MEAF6: variants seen among roughly 807,000 people sequenced by gnomAD.
MEAF6 encodes the protein MYST/Esa1 associated factor 6.
Under a neutral mutation model 28.9 loss-of-function variants are expected in MEAF6, and 15 were observed. That is an observed-to-expected ratio of 0.52 (90% CI 0.35 to 0.80). MEAF6 has a LOEUF of 0.80. Among genes scored for constraint, MEAF6 ranks in the 30% least tolerant of loss-of-function variants. The pLI, the probability that MEAF6 is intolerant of heterozygous loss-of-function variation, is 0.01. For synonymous variants in MEAF6, 97 were observed against 88.7 expected, an observed-to-expected ratio of 1.09 and a Z score of -0.53; for missense variants, 178 against 237.5, an observed-to-expected ratio of 0.75 and a Z score of 1.65.
intron 5 of MEAF6, chr1:37,496,643 CA>C (rs1454681558): frequency 2.6e-6 from 4 of 1,549,474 alleles, no homozygotes; most frequent in Non-Finnish European, 1.8e-6. Context: ...AGAAAGGTCT[CA>C]AAAAGGCATA....
chr1:37,499,699 G>A (rs1023917891), intron 5 of MEAF6, among the ~76,000 whole-genome samples: 1 of 152,128 alleles, frequency 6.6e-6, no homozygotes, highest in Admixed American at 6.5e-5. Flanking sequence ...CACTATTTGC[G>A]AAGCAGTAAC....
In MEAF6 at chr1:37,495,996, A is replaced by G. The variant is rs372871062; in HGVS notation, c.534-78T>C. ...CCCACAATCAGCTACTGCATAGGGCATAAGCTATAACAAAGACTATTTGGT... is the reference window on the plus strand; with the variant it reads ...CCCACAATCAGCTACTGCATAGGGCGTAAGCTATAACAAAGACTATTTGGT... On this transcript the variant is annotated intron_variant, in intron 5 of 6. Transcript: ENST00000296214. 5.6e-4 allele frequency: 652 copies of G among 1,158,408 alleles called. 3 individuals carry two copies. In the African/African-American group the frequency reaches 9.1e-3, roughly 16 times the overall value. The allele number at this position is 1,158,408 out of a possible 1,614,324, so 71.8% of individuals were successfully genotyped here. A position where few individuals can be genotyped will look rare whatever the true frequency, so the allele number is the denominator to read the frequency against.
At chr1:37,500,727 G>A (rs1317812747) in intron 5 of MEAF6, among the ~76,000 whole-genome samples, 2 of 152,184 alleles carry the variant, frequency 1.3e-5, no homozygotes, top group Non-Finnish European at 2.9e-5. Context: ...CCCAGGCACT[G>A]TCATATCCAT....
intron 5 of MEAF6, among the ~76,000 whole-genome samples, chr1:37,496,306 G>C (rs1642127813): frequency 6.6e-6 from 1 of 152,074 alleles, no homozygotes; most frequent in Non-Finnish European, 1.5e-5. Flanking sequence ...TTAACAACAG[G>C]AAAGAGACTA....
chr1:37,513,678 G>C, intron 1 of MEAF6, 140 bp from the exon 2 acceptor site: 1 of 696,528 alleles, frequency 1.4e-6, no homozygotes, highest in South Asian at 1.6e-5. Flanking sequence ...TGGAAGATAC[G>C]GGGAGGAGGA....
rs1436034708 is a variant in MEAF6, at chr1:37,493,171, G to A, written c.*928C>T. 2 of 152,196 alleles carry A rather than the reference G, an allele frequency of 1.3e-5. No individual in the cohort carries two copies. Among genetic ancestry groups the A allele is most frequent in the Admixed American group, 1.3e-4 (2 of 15,260 alleles). 9.4% of individuals were successfully genotyped at this position (152,196 alleles called of 1,614,324 possible). A position where few individuals can be genotyped will look rare whatever the true frequency, so the allele number is the denominator to read the frequency against. Reference sequence around the variant, plus strand: ...GGTATAATTTTGAGACTTTCCATATGCCATGGTGATTTTTAGAGCAATATT... The same window carrying A: ...GGTATAATTTTGAGACTTTCCATATACCATGGTGATTTTTAGAGCAATATT... On this transcript the variant is annotated 3_prime_UTR_variant, in exon 7 of 7. Coordinates refer to ENST00000296214, the MANE Select transcript of MEAF6 (RefSeq NM_001270875.3).
rs1642141216 is a variant in MEAF6 at position 37,496,793 on chromosome 1, A to C, written c.534-875T>G. 5.2e-6 allele frequency: 8 copies of C among 1,540,546 alleles called. No individual in the cohort carries two copies. The South Asian group carries it at 8.8e-5, about 17-fold the overall frequency. ...ATAGAAATTAATATACTAATTGAAT[A>C]AATTAGTCGATTAGCCACCCTAGCA... On this transcript the variant is annotated intron_variant, in intron 5 of 6. Transcript: ENST00000296214.
At position 37,509,509 on chromosome 1, in the gene MEAF6, C is replaced by A; in HGVS notation, c.240G>T (p.Arg80=). The change falls in exon 3 of 7, where the codon CGG becomes CGT. Residue 80 remains arginine, a synonymous_variant. Coordinates refer to ENST00000296214, the MANE Select transcript of MEAF6 (RefSeq NM_001270875.3). Reference sequence around the variant, plus strand: ...AGAGCCGCTCAGCTTCCTTAAACTTCCGGTTCCTTCGATCATTTTTGCTAT... The same window carrying A: ...AGAGCCGCTCAGCTTCCTTAAACTTACGGTTCCTTCGATCATTTTTGCTAT... ...NSNSKNDRRN[R]KFKEAERLFS... is the part of the protein sequence containing the mutation. 1 of 1,614,090 alleles carries A rather than the reference C, an allele frequency of 6.2e-7. No individual in the cohort carries two copies. The highest frequency in any genetic ancestry group is 1.1e-5 in the South Asian group (1 of 91,066).
At chr1:37,513,593 G>T in intron 1 of MEAF6, 55 bp from the exon 2 acceptor site, 1 of 1,367,010 alleles carries the variant, frequency 7.3e-7, no homozygotes. Flanking sequence ...AAACACTTAA[G>T]TCTGGCCAAA....
chr1:37,500,923 T>TA lies in MEAF6; in HGVS notation c.533+880dup, dbSNP rs1438637842. On this transcript the variant is annotated intron_variant, in intron 5 of 6. Transcript: ENST00000296214. ...GTACAGTTTCTAGAATGAGAACTCTTACCCTGGCTTCGGAACTTCTAGGAG... is the reference window on the plus strand; with the variant it reads ...GTACAGTTTCTAGAATGAGAACTCTTAACCCTGGCTTCGGAACTTCTAGGAG... 8 of 154,164 alleles carry TA rather than the reference T, an allele frequency of 5.2e-5. No individual in the cohort carries two copies. In the Middle Eastern group the frequency reaches 2.1e-3, roughly 40 times the overall value. The allele number at this position is 154,164 out of a possible 1,614,324, so 9.5% of individuals were successfully genotyped here.
intron 5 of MEAF6, chr1:37,496,827 A>G (rs1207030124): frequency 6.7e-6 from 9 of 1,345,088 alleles, no homozygotes; most frequent in South Asian, 1.7e-5. Flanking sequence ...CAAGAATTGT[A>G]GAAACAAAAT....
chr1:37,497,653 G>A (rs1642166448), intron 5 of MEAF6, among the ~76,000 whole-genome samples: 1 of 151,716 alleles, frequency 6.6e-6, no homozygotes, highest in Non-Finnish European at 1.5e-5. Flanking sequence ...GTGCAATGGC[G>A]CAATCTTGGC....
intron 1 of MEAF6, 88 bp from the exon 2 acceptor site, chr1:37,513,626 G>T: frequency 1.9e-6 from 2 of 1,065,572 alleles, no homozygotes; most frequent in Admixed American, 3.4e-5. Flanking sequence ...TATTAGACTC[G>T]TAAACGCAAG....
At chr1:37,510,785 C>T (rs1194237680) in intron 2 of MEAF6, among the ~76,000 whole-genome samples, 1 of 152,000 alleles carries the variant, frequency 6.6e-6, no homozygotes, top group Non-Finnish European at 1.5e-5. Context: ...TGCAATGGCG[C>T]GAGCTCGGCT....
chr1:37,512,543 AAAT>A (rs1399821932), intron 2 of MEAF6, among the ~76,000 whole-genome samples: 1 of 152,140 alleles, frequency 6.6e-6, no homozygotes, highest in Middle Eastern at 3.2e-3. Flanking sequence ...AATTTTTTAA[AAAT>A]AATATTACTA....
At chr1:37,495,993 G>A in intron 5 of MEAF6, 75 bp from the exon 6 acceptor site, 1 of 1,182,544 alleles carries the variant, frequency 8.5e-7, no homozygotes, top group Admixed American at 1.7e-5. Context: ...TACTGCATAG[G>A]GCATAAGCTA....
At chr1:37,503,569 T>A (rs1171313768) in intron 4 of MEAF6, among the ~76,000 whole-genome samples, 1 of 147,026 alleles carries the variant, frequency 6.8e-6, no homozygotes, top group East Asian at 2.0e-4. Context: ...GGTGGGAGGA[T>A]CACTTCAGCC....
At chr1:37,510,314 C>G (rs1195904441) in intron 2 of MEAF6, among the ~76,000 whole-genome samples, 1 of 151,348 alleles carries the variant, frequency 6.6e-6, no homozygotes, top group Admixed American at 6.6e-5. Context: ...AACTCCTGAC[C>G]TCATGATCTG....
At chr1:37,513,339 G>T in intron 2 of MEAF6, 84 bp downstream of exon 2, 1 of 994,204 alleles carries the variant, frequency 1.0e-6, no homozygotes, top group Non-Finnish European at 1.6e-6. Flanking sequence ...ACTGCCTCCA[G>T]CAAAGTTGCC....
Sources: gnomAD v4.1 joint callset for allele counts (sites outside exome capture counted in the v4.1 genomes callset) on GRCh38, gnomAD v4.1.1 for gene constraint, MANE v1.5 for transcripts, NCBI Gene and HGNC (gene_info 2026-07-23, HGNC 2026-07-21) for gene names.